Variants in DDR2 observed in about 807,000 individuals in gnomAD.
DDR2 encodes the protein discoidin domain-containing receptor 2.
Under a neutral mutation model 94.9 loss-of-function variants are expected in DDR2, and 27 were observed. The observed-to-expected ratio is 0.28, with a 90% CI of 0.21 to 0.39. The LOEUF (loss-of-function observed/expected upper bound fraction) is 0.39, where lower values mean the gene tolerates loss of function less well. DDR2 is among the 10% of genes least tolerant of loss of function. DDR2 has a pLI of 1.00. For missense variants in DDR2, 783 were observed against 1,076.0 expected (o/e 0.73, Z 3.81); for synonymous variants, 382 against 377.2 (o/e 1.01, Z -0.15).
intron 2 of DDR2, among the ~76,000 whole-genome samples, chr1:162,661,232 C>A (rs1207552317): frequency 6.6e-6 from 1 of 152,204 alleles, no homozygotes; most frequent in Non-Finnish European, 1.5e-5. Flanking sequence ...ATTGAGCTGA[C>A]TCCCTCCTCC....
At position 162,741,740 on chromosome 1, in the gene DDR2, C is replaced by T. The variant is rs979366490; in HGVS notation, c.83-11355C>T. ...AAGTGAAGTTCTACATTATTAGTAG[C>T]TGGGCTTGGGTCCTAAATGCCAATG... On this transcript the variant is annotated intron_variant, in intron 3 of 17. Coordinates refer to ENST00000367921, the MANE Select transcript of DDR2 (RefSeq NM_006182.4). 1.1e-5 allele frequency: 11 copies of T among 985,254 alleles called. No individual in the cohort carries two copies. In the African/African-American group the frequency reaches 1.7e-4, roughly 16 times the overall value. The allele number at this position is 985,254 out of a possible 1,614,324, so 61.0% of individuals were successfully genotyped here. A position where few individuals can be genotyped will look rare whatever the true frequency, so the allele number is the denominator to read the frequency against.
intron 3 of DDR2, among the ~76,000 whole-genome samples, chr1:162,751,361 G>T (rs570312548): frequency 1.3e-5 from 2 of 152,120 alleles, no homozygotes; most frequent in Non-Finnish European, 2.9e-5. Context: ...TGTCTCAAAA[G>T]AAGATATTTA....
At chr1:162,717,925 T>A (rs1387910071) in intron 2 of DDR2, among the ~76,000 whole-genome samples, 2 of 152,248 alleles carry the variant, frequency 1.3e-5, no homozygotes, top group African/African-American at 4.8e-5. Flanking sequence ...AAAGTAACTA[T>A]GTGCAACTTA....
chr1:162,739,489 T>C (rs550781804), intron 3 of DDR2, among the ~76,000 whole-genome samples: 1 of 151,858 alleles, frequency 6.6e-6, no homozygotes, highest in Non-Finnish European at 1.5e-5. Flanking sequence ...GTATTTTTGA[T>C]GGAGACAGGG....
chr1:162,768,483 G>T (rs538043902), intron 11 of DDR2, among the ~76,000 whole-genome samples: 47 of 152,314 alleles, frequency 3.1e-4, no homozygotes, highest in African/African-American at 1.1e-3. Flanking sequence ...TTCTGTGTTT[G>T]GGGGTGGGGA....
intron 3 of DDR2, among the ~76,000 whole-genome samples, chr1:162,719,631 G>A (rs1048736520): frequency 4.6e-5 from 7 of 152,116 alleles, no homozygotes; most frequent in South Asian, 4.1e-4. Flanking sequence ...AAAATAGATA[G>A]GTTAGGAGAA....
intron 2 of DDR2, among the ~76,000 whole-genome samples, chr1:162,673,922 T>A (rs1476217873): frequency 6.6e-6 from 1 of 152,100 alleles, no homozygotes; most frequent in African/African-American, 2.4e-5. Flanking sequence ...GGCCCCTTTT[T>A]CTTCCCTTTT....
intron 3 of DDR2, among the ~76,000 whole-genome samples, chr1:162,722,425 G>GC (rs1661466464): frequency 6.6e-6 from 1 of 152,196 alleles, no homozygotes; most frequent in African/African-American, 2.4e-5. Flanking sequence ...CTGCAACAGT[G>GC]CACCAGGAAC....
rs562935977 is a variant in DDR2, at chr1:162,752,635, T to G, written c.83-460T>G. Among the ~76,000 whole-genome samples, 245 of 152,270 alleles carry G rather than the reference T, an allele frequency of 1.6e-3. 1 individual carries two copies. Among genetic ancestry groups the G allele is most frequent in the Admixed American group, 4.7e-3 (72 of 15,300 alleles). On this transcript the variant is annotated intron_variant, in intron 3 of 17. Coordinates refer to ENST00000367921, the MANE Select transcript of DDR2 (RefSeq NM_006182.4). The stretch of plus-strand genomic sequence containing the variant: ...TGTGTTTGATCCCTTCATAGGTGAG[T>G]GTGTAGTTTCTTTATAGTTTTTATG...
At position 162,785,657 on chromosome 1, in the gene DDR2, C is replaced by T. The variant is rs1648116429; in HGVS notation, c.*5411C>T. On this transcript the variant is annotated 3_prime_UTR_variant, in exon 18 of 18. Transcript: ENST00000367921. ...GCTGAATGTTGTTTTTTTGAATGAACATAAGATAGAAACAAAAACTTCTCA... is the reference window on the plus strand; with the variant it reads ...GCTGAATGTTGTTTTTTTGAATGAATATAAGATAGAAACAAAAACTTCTCA... 6.6e-6 allele frequency: 1 copy of T among 151,992 alleles called. No individual in the cohort carries two copies. Among genetic ancestry groups the T allele is most frequent in the Non-Finnish European group, 1.5e-5 (1 of 67,996 alleles). The allele number at this position is 151,992 out of a possible 1,614,324, so 9.4% of individuals were successfully genotyped here.
chr1:162,748,544 A>G (rs541556921), intron 3 of DDR2, among the ~76,000 whole-genome samples: 1 of 152,332 alleles, frequency 6.6e-6, no homozygotes, highest in South Asian at 2.1e-4. Context: ...AGACTCCCAC[A>G]GAATCATAAT....
At chr1:162,721,346 G>C (rs1306034571) in intron 3 of DDR2, among the ~76,000 whole-genome samples, 1 of 152,012 alleles carries the variant, frequency 6.6e-6, no homozygotes, top group Non-Finnish European at 1.5e-5. Flanking sequence ...TATTTTTGTT[G>C]GCTCTTTCTG....
Position 162,770,498 on chromosome 1 carries a change from GGGA to G in DDR2, c.1498_1500del (p.Glu500del). On this transcript the variant is annotated inframe_deletion, in exon 12 of 18. Coordinates refer to ENST00000367921, the MANE Select transcript of DDR2 (RefSeq NM_006182.4). ...CGAAAACTCCCAGAATTTGCTCCAG[GGGA>G]GGAGGAGTCAGGTGAGGATGATGTG... 4 of 1,614,088 alleles carry G rather than the reference GGGA, an allele frequency of 2.5e-6. No homozygotes were observed. The South Asian group carries it at 4.4e-5, about 18-fold the overall frequency.
chr1:162,667,196 C>T (rs529705484), intron 2 of DDR2, among the ~76,000 whole-genome samples: 359 of 152,230 alleles, frequency 2.4e-3, no homozygotes, highest in Non-Finnish European at 3.5e-3. Context: ...CAAGGGTCTT[C>T]CTTGTACATC....
At chr1:162,704,693 G>T (rs554686867) in intron 2 of DDR2, among the ~76,000 whole-genome samples, 15 of 152,250 alleles carry the variant, frequency 9.9e-5, no homozygotes, top group African/African-American at 3.6e-4. Flanking sequence ...CTGAAAGAGG[G>T]TGCCACCCTC....
At chr1:162,640,144 C>T (rs1239720440) in intron 1 of DDR2, among the ~76,000 whole-genome samples, 4 of 151,434 alleles carry the variant, frequency 2.6e-5, no homozygotes, top group Admixed American at 6.6e-5. Context: ...TGGGTTCAAG[C>T]GATTTTCCTG....
intron 2 of DDR2, among the ~76,000 whole-genome samples, chr1:162,678,990 A>C (rs960818114): frequency 6.6e-6 from 1 of 152,176 alleles, no homozygotes; most frequent in African/African-American, 2.4e-5. Context: ...TATTTTTGAC[A>C]GTGTGGTGTC....
At chr1:162,730,817 C>G (rs1303877417) in intron 3 of DDR2, among the ~76,000 whole-genome samples, 1 of 152,214 alleles carries the variant, frequency 6.6e-6, no homozygotes, top group East Asian at 1.9e-4. Flanking sequence ...TCCCCCTCCA[C>G]ACAGCCCCAG....
At chr1:162,709,822 G>C (rs1660817708) in intron 2 of DDR2, among the ~76,000 whole-genome samples, 1 of 152,138 alleles carries the variant, frequency 6.6e-6, no homozygotes, top group Admixed American at 6.5e-5. Context: ...AGATTGCTAG[G>C]GCTCACCAAG....
Sources: gnomAD v4.1 joint callset for allele counts (sites outside exome capture counted in the v4.1 genomes callset) on GRCh38, gnomAD v4.1.1 for gene constraint, MANE v1.5 for transcripts, NCBI Gene and HGNC (gene_info 2026-07-23, HGNC 2026-07-21) for gene names.